Variants in MARCHF1 observed in about 807,000 individuals in gnomAD.
MARCHF1 encodes the protein E3 ubiquitin-protein ligase MARCHF1.
A neutral mutation model predicts 54.2 loss-of-function variants in MARCHF1; 40 were observed. That is an observed-to-expected ratio of 0.74 (90% CI 0.57 to 0.96). MARCHF1 has a LOEUF of 0.96. Ranked by LOEUF, MARCHF1 falls within the 40% of genes least tolerant of loss-of-function variation. The probability of loss-of-function intolerance (pLI) is 0.00; values close to 1 mark genes in which losing one functional copy is unlikely to be tolerated. For synonymous variants in MARCHF1, 236 were observed against 236.3 expected, an observed-to-expected ratio of 1.00 and a Z score of 0.01; for missense variants, 586 against 656.5, an observed-to-expected ratio of 0.89 and a Z score of 1.17.
intron 1 of MARCHF1, among the ~76,000 whole-genome samples, chr4:164,244,756 T>TA (rs1327697990): frequency 3.3e-5 from 5 of 151,858 alleles, no homozygotes; most frequent in Admixed American, 2.0e-4. Flanking sequence ...ATAGATGCAA[T>TA]AAAAAATGAT....
chr4:164,351,521 G>C (rs1730334260), intron 1 of MARCHF1, among the ~76,000 whole-genome samples: 1 of 152,014 alleles, frequency 6.6e-6, no homozygotes, highest in South Asian at 2.1e-4. Context: ...TCACACGGCA[G>C]GGTATTCCAA....
At chr4:164,242,360 A>G (rs1015802454) in intron 1 of MARCHF1, among the ~76,000 whole-genome samples, 2 of 147,166 alleles carry the variant, frequency 1.4e-5, no homozygotes, top group African/African-American at 5.1e-5. Flanking sequence ...AACCCCCAGC[A>G]GGGGCACACT....
chr4:164,092,621 C>G (rs988984134), intron 2 of MARCHF1, among the ~76,000 whole-genome samples: 5 of 152,152 alleles, frequency 3.3e-5, no homozygotes, highest in Admixed American at 2.0e-4. Flanking sequence ...ATTTTACTTA[C>G]ATTTACCAAA....
At chr4:163,706,027 T>G (rs1197666152) in intron 4 of MARCHF1, among the ~76,000 whole-genome samples, 1 of 152,068 alleles carries the variant, frequency 6.6e-6, no homozygotes, top group East Asian at 1.9e-4. Flanking sequence ...TAAAATCCAT[T>G]ATCTCTTGCT....
At chr4:163,921,541 C>T (rs1751430304) in intron 3 of MARCHF1, among the ~76,000 whole-genome samples, 1 of 152,020 alleles carries the variant, frequency 6.6e-6, no homozygotes, top group East Asian at 1.9e-4. Flanking sequence ...GAAGAGAGTA[C>T]AGTAAGACAA....
intron 4 of MARCHF1, among the ~76,000 whole-genome samples, chr4:163,816,764 G>A (rs1748545388): frequency 6.6e-6 from 1 of 152,040 alleles, no homozygotes; most frequent in South Asian, 2.1e-4. Context: ...CCAAACCCAT[G>A]CTCAGTGATC....
intron 1 of MARCHF1, among the ~76,000 whole-genome samples, chr4:164,214,879 G>T (rs116131519): frequency 6.6e-6 from 1 of 151,944 alleles, no homozygotes; most frequent in African/African-American, 2.4e-5. Flanking sequence ...AAGTTCCCTT[G>T]TCCCCCTTGC....
intron 1 of MARCHF1, among the ~76,000 whole-genome samples, chr4:164,131,912 G>A (rs149545439): frequency 0.01 from 1,532 of 152,196 alleles, 24 homozygotes; most frequent in Middle Eastern, 0.058. Flanking sequence ...TTACAGAAAT[G>A]CATTGACATA....
At chr4:164,161,133 G>A (rs1028797995) in intron 1 of MARCHF1, among the ~76,000 whole-genome samples, 3 of 152,116 alleles carry the variant, frequency 2.0e-5, no homozygotes, top group African/African-American at 7.2e-5. Flanking sequence ...GGACATGATG[G>A]AATCATGGGG....
At chr4:164,351,822 G>T (rs995087284) in intron 1 of MARCHF1, among the ~76,000 whole-genome samples, 67 of 151,972 alleles carry the variant, frequency 4.4e-4, no homozygotes, top group Admixed American at 2.5e-3. Context: ...TGAGCTACGG[G>T]AGGACATTCA....
chr4:164,114,938 T>C lies in MARCHF1; in HGVS notation c.-322-3276A>G, dbSNP rs543894179. Reference sequence around the variant, plus strand: ...ATGACTACTGACCTTCAAGAAAATCTAGCAGACAAAACAAGTTCTGAAGAA... The same window carrying C: ...ATGACTACTGACCTTCAAGAAAATCCAGCAGACAAAACAAGTTCTGAAGAA... On this transcript the variant is annotated intron_variant, in intron 1 of 9. Transcript: ENST00000514618. 6.0e-4 allele frequency among the ~76,000 whole-genome samples: 92 copies of C among 152,108 alleles called. 1 individual carries two copies. The highest frequency in any genetic ancestry group is 3.7e-3 in the South Asian group (18 of 4,830).
intron 5 of MARCHF1, among the ~76,000 whole-genome samples, chr4:163,615,868 T>A (rs1472789481): frequency 6.6e-6 from 1 of 152,094 alleles, no homozygotes; most frequent in East Asian, 1.9e-4. Context: ...GGCATTGTTA[T>A]AAAAACAGAC....
At chr4:164,131,490 C>T (rs2110818705) in intron 1 of MARCHF1, among the ~76,000 whole-genome samples, 1 of 152,160 alleles carries the variant, frequency 6.6e-6, no homozygotes, top group Admixed American at 6.5e-5. Flanking sequence ...TTTATAACAG[C>T]ATTGTAATGC....
intron 8 of MARCHF1, among the ~76,000 whole-genome samples, chr4:163,546,910 G>A (rs749780158): frequency 5.3e-5 from 8 of 152,146 alleles, no homozygotes; most frequent in Non-Finnish European, 1.2e-4. Context: ...TCATTATTAT[G>A]TTAGGAATTG....
chr4:163,683,378 C>T (rs1393357747), intron 5 of MARCHF1, among the ~76,000 whole-genome samples: 1 of 152,054 alleles, frequency 6.6e-6, no homozygotes, highest in Non-Finnish European at 1.5e-5. Context: ...GAAAGACCTG[C>T]CCCCATGATT....
intron 4 of MARCHF1, among the ~76,000 whole-genome samples, chr4:163,755,487 T>G (rs577936286): frequency 8.5e-5 from 13 of 152,318 alleles, no homozygotes; most frequent in African/African-American, 3.1e-4. Context: ...ATACCAGGGC[T>G]CTTAGTTTTC....
At position 163,936,187 on chromosome 4, in the gene MARCHF1, C is replaced by A. The variant is rs1751791282; in HGVS notation, c.-39+52314G>T. Among the ~76,000 whole-genome samples, 6 of 152,238 alleles carry A rather than the reference C, an allele frequency of 3.9e-5. No individual in the cohort carries two copies. The South Asian group carries it at 1.2e-3, about 32-fold the overall frequency. On this transcript the variant is annotated intron_variant, in intron 3 of 9. Transcript: ENST00000514618. The stretch of plus-strand genomic sequence containing the variant: ...TCCGGGTGTCCCAAAACAACTCCAA[C>A]AGTAACATCAAAGATCACTGATCAC...
chr4:163,919,010 T>C (rs1751369474), intron 3 of MARCHF1, among the ~76,000 whole-genome samples: 2 of 152,122 alleles, frequency 1.3e-5, no homozygotes, highest in South Asian at 4.1e-4. Flanking sequence ...TGCTTTGAAA[T>C]ACTTTGACAA....
intron 4 of MARCHF1, among the ~76,000 whole-genome samples, chr4:163,843,285 T>C (rs770982996): frequency 2.0e-5 from 3 of 152,204 alleles, no homozygotes; most frequent in Non-Finnish European, 4.4e-5. Flanking sequence ...TCTAGGTTGA[T>C]TCCCTGTCTT....
Sources: gnomAD v4.1 joint callset for allele counts (sites outside exome capture counted in the v4.1 genomes callset) on GRCh38, gnomAD v4.1.1 for gene constraint, MANE v1.5 for transcripts, NCBI Gene and HGNC (gene_info 2026-07-23, HGNC 2026-07-21) for gene names.